RPTOR: variants seen among roughly 807,000 people sequenced by gnomAD.
The protein encoded by RPTOR is regulatory-associated protein of mTOR.
Under a neutral mutation model 169.9 loss-of-function variants are expected in RPTOR, and 21 were observed. That is an observed-to-expected ratio of 0.12 (90% CI 0.09 to 0.18). The LOEUF is 0.18. Among genes scored for constraint, RPTOR ranks in the 10% least tolerant of loss-of-function variants. The pLI is 1.00. For missense variants in RPTOR, 1,133 were observed against 1,855.9 expected, an observed-to-expected ratio of 0.61 and a Z score of 7.16; for synonymous variants, 732 against 753.2, an observed-to-expected ratio of 0.97 and a Z score of 0.46.
chr17:80,744,083 GAGCACAGCCCTGGTTACT>G (rs1215618654), intron 5 of RPTOR, among the ~76,000 whole-genome samples: 1 of 1,530 alleles, frequency 6.5e-4, no homozygotes, highest in African/African-American at 2.0e-3. Context: ...TCCTGGTTAC[GAGCACAGCCCTGGTTACT>G]AGCACAGCCC....
chr17:80,751,582 C>T (rs1445325299), intron 5 of RPTOR, among the ~76,000 whole-genome samples: 2 of 152,214 alleles, frequency 1.3e-5, no homozygotes, highest in Non-Finnish European at 2.9e-5. Context: ...GAGCGCATCG[C>T]AGCCCTCGGT....
chr17:80,863,031 C>T (rs1314279233), intron 13 of RPTOR, among the ~76,000 whole-genome samples: 1 of 152,216 alleles, frequency 6.6e-6, no homozygotes, highest in Non-Finnish European at 1.5e-5. Flanking sequence ...ACCTTTGGGG[C>T]ACACCGTGTG....
chr17:80,767,348 A>AGCGTCACAGGGC (rs768569885), intron 6 of RPTOR, among the ~76,000 whole-genome samples: 4 of 152,190 alleles, frequency 2.6e-5, no homozygotes, highest in Non-Finnish European at 4.4e-5. Flanking sequence ...TCCAGCATAG[A>AGCGTCACAGGGC]CCACAGAGTG....
At chr17:80,815,159 C>T (rs2067310685) in intron 7 of RPTOR, among the ~76,000 whole-genome samples, 1 of 152,240 alleles carries the variant, frequency 6.6e-6, no homozygotes, top group Non-Finnish European at 1.5e-5. Flanking sequence ...GGAGCAGACA[C>T]TAGGCAGTTA....
chr17:80,965,146 G>T lies in RPTOR; in HGVS notation c.*816G>T, dbSNP rs547826896. ...CCACGGGGCTCCTTTCCCTCCGAAG[G>T]GCTGCTCTTCCCCACAGGCGCGGGG... On this transcript the variant is annotated 3_prime_UTR_variant, in exon 34 of 34. Transcript: ENST00000306801. The T allele has an allele frequency of 8.6e-6, 2 of 233,200 alleles. No individual in the cohort carries two copies. Among genetic ancestry groups the T allele is most frequent in the Non-Finnish European group, 1.7e-5 (2 of 118,058 alleles). The allele number at this position is 233,200 out of a possible 1,614,324, so 14.4% of individuals were successfully genotyped here.
chr17:80,704,978 C>T (rs779102558), intron 3 of RPTOR, among the ~76,000 whole-genome samples: 8 of 152,252 alleles, frequency 5.3e-5, no homozygotes, highest in Non-Finnish European at 8.8e-5. Context: ...GATTGGCCAC[C>T]GCATGGCTGG....
At chr17:80,699,512 CT>C (rs2066065474) in intron 3 of RPTOR, among the ~76,000 whole-genome samples, 1 of 131,010 alleles carries the variant, frequency 7.6e-6, no homozygotes, top group South Asian at 2.7e-4. Context: ...GCACGGTACC[CT>C]GGTGCAGTGA....
intron 4 of RPTOR, among the ~76,000 whole-genome samples, chr17:80,711,665 CATTGACTTTTTA>C (rs1054352601): frequency 6.7e-6 from 1 of 149,214 alleles, no homozygotes; most frequent in African/African-American, 2.5e-5. Flanking sequence ...CATGTTATGA[CATTGACTTTTTA>C]AATGACTTTT....
intron 23 of RPTOR, among the ~76,000 whole-genome samples, chr17:80,924,675 G>T (rs1466274524): frequency 6.6e-6 from 1 of 152,010 alleles, no homozygotes; most frequent in Non-Finnish European, 1.5e-5. Flanking sequence ...CCGGGGTGGG[G>T]GGGATGCACC....
rs1471293188 is a variant in RPTOR, at chr17:80,957,468, G to A, written c.3371-156G>A. ...CGTGGGGCACACCAGGGTCCCTAGCGGGAGCTCATATGAGGCATATGGACC... is the reference window on the plus strand; with the variant it reads ...CGTGGGGCACACCAGGGTCCCTAGCAGGAGCTCATATGAGGCATATGGACC... On this transcript the variant is annotated intron_variant, in intron 28 of 33. Transcript: ENST00000306801. The surrounding 1 kb of genome is among the most constrained non-coding windows in gnomAD (Gnocchi z 4.6). Among the ~76,000 whole-genome samples the A allele has an allele frequency of 1.3e-5, 2 of 152,334 alleles. No homozygotes were observed. The highest frequency in any genetic ancestry group is 6.5e-5 in the Admixed American group (1 of 15,306).
At chr17:80,547,720 C>T (rs1323094076) in intron 1 of RPTOR, among the ~76,000 whole-genome samples, 1 of 152,120 alleles carries the variant, frequency 6.6e-6, no homozygotes, top group Admixed American at 6.6e-5. Context: ...ATCACACATG[C>T]TATAGGACAG....
chr17:80,856,402 G>A (rs1347769018), intron 12 of RPTOR, among the ~76,000 whole-genome samples: 1 of 152,182 alleles, frequency 6.6e-6, no homozygotes, highest in Non-Finnish European at 1.5e-5. Flanking sequence ...GCGGTGGGGC[G>A]GTGGGTGCGG....
At chr17:80,946,576 G>A (rs2069106538) in intron 26 of RPTOR, among the ~76,000 whole-genome samples, 1 of 152,234 alleles carries the variant, frequency 6.6e-6, no homozygotes, top group South Asian at 2.1e-4. Context: ...AGTCACCCGG[G>A]ATTTGGCCCT....
chr17:80,638,945 A>C (rs1308903848), intron 2 of RPTOR, among the ~76,000 whole-genome samples: 1 of 152,174 alleles, frequency 6.6e-6, no homozygotes, highest in Non-Finnish European at 1.5e-5. Context: ...TCCTAGTCCC[A>C]CAGACGCTGC....
At chr17:80,639,260 A>G (rs1357886112) in intron 2 of RPTOR, among the ~76,000 whole-genome samples, 1 of 151,004 alleles carries the variant, frequency 6.6e-6, no homozygotes, top group Non-Finnish European at 1.5e-5. Context: ...CACTTCATCT[A>G]GTAGGCAGCA....
At position 80,962,444 on chromosome 17, in the gene RPTOR, T is replaced by C; in HGVS notation, c.3693-17T>C. On this transcript the variant is annotated splice_polypyrimidine_tract_variant and intron_variant, in intron 31 of 33. Coordinates refer to ENST00000306801, the MANE Select transcript of RPTOR (RefSeq NM_020761.3). ...GGGCCTCCGGGAGGAGGTGTCACTG[T>C]GACCCTCTCTTGGCAGCGTCAATGG... is the stretch of plus-strand genomic sequence containing the variant. The C allele has an allele frequency of 6.2e-7, 1 of 1,608,550 alleles. No homozygotes were observed. The highest frequency in any genetic ancestry group is 8.5e-7 in the Non-Finnish European group (1 of 1,175,584).
At position 80,603,155 on chromosome 17, in the gene RPTOR, T is replaced by G. The variant is rs906424526; in HGVS notation, c.163-22536T>G. ...TGAAAAACATCTTTATCAATAAGAT[T>G]AATCTCACTTTTACCCAGACAATGT... On this transcript the variant is annotated intron_variant, in intron 1 of 33. Coordinates refer to ENST00000306801, the MANE Select transcript of RPTOR (RefSeq NM_020761.3). Among the ~76,000 whole-genome samples, 6 of 152,238 alleles carry G rather than the reference T, an allele frequency of 3.9e-5. No individual in the cohort carries two copies. The East Asian group carries it at 1.2e-3, about 29-fold the overall frequency.
chr17:80,679,271 C>T (rs2065881176), intron 3 of RPTOR, among the ~76,000 whole-genome samples: 1 of 152,102 alleles, frequency 6.6e-6, no homozygotes, highest in African/African-American at 2.4e-5. Context: ...AGTGAGACTC[C>T]CATCTCCAAA....
intron 6 of RPTOR, among the ~76,000 whole-genome samples, chr17:80,783,682 A>G (rs2066963217): frequency 1.3e-5 from 2 of 152,216 alleles, no homozygotes; most frequent in African/African-American, 2.4e-5. Flanking sequence ...GTAGCCCAGA[A>G]CAAGGCAGAT....
Sources: gnomAD v4.1 joint callset for allele counts (sites outside exome capture counted in the v4.1 genomes callset) on GRCh38, gnomAD v4.1.1 for gene constraint, Gnocchi (gnomAD v3.1) non-coding constraint, MANE v1.5 for transcripts, NCBI Gene and HGNC (gene_info 2026-07-23, HGNC 2026-07-21) for gene names.